Variants in RORB observed in about 807,000 individuals in gnomAD.
RORB encodes RAR related orphan receptor B.
RORB carries 6 observed loss-of-function variants against 59.1 expected under a neutral mutation model. The ratio of observed to expected loss-of-function variants is 0.10; its 90% CI spans 0.06 to 0.20. The LOEUF (loss-of-function observed/expected upper bound fraction) is 0.20, where lower values mean the gene tolerates loss of function less well. RORB is among the 10% of genes least tolerant of loss of function. The probability of loss-of-function intolerance (pLI) is 1.00; values close to 1 mark genes in which losing one functional copy is unlikely to be tolerated. For missense variants in RORB, 320 were observed against 560.5 expected, an observed-to-expected ratio of 0.57 and a Z score of 4.33; for synonymous variants, 215 against 204.5, an observed-to-expected ratio of 1.05 and a Z score of -0.44.
chr9:74,612,812 A>G (rs539423494), intron 1 of RORB, among the ~76,000 whole-genome samples: 66 of 152,298 alleles, frequency 4.3e-4, no homozygotes, highest in Admixed American at 7.2e-4. Context: ...ACTATAACAC[A>G]TCAGATATTT....
chr9:74,626,231 T>C (rs929961116), intron 1 of RORB, among the ~76,000 whole-genome samples: 11 of 152,168 alleles, frequency 7.2e-5, no homozygotes, highest in African/African-American at 2.2e-4. Context: ...TTGAATAGGA[T>C]CTGCCTGCCA....
rs533268289 is a variant in RORB, at chr9:74,655,608, C to T, written c.638-5009C>T. ...ATTTACTATTACCTTTTCTACTTTT[C>T]CAAGCAAGGACTCTTGAAAGTTCCT... On this transcript the variant is annotated intron_variant, in intron 4 of 9. Coordinates refer to ENST00000376896, the MANE Select transcript of RORB (RefSeq NM_006914.4). Among the ~76,000 whole-genome samples, 87 of 152,258 alleles carry T rather than the reference C, an allele frequency of 5.7e-4. 1 individual carries two copies. Among genetic ancestry groups the T allele is most frequent in the Admixed American group, 2.5e-3 (38 of 15,290 alleles).
At chr9:74,652,718 T>C (rs967578210) in intron 4 of RORB, among the ~76,000 whole-genome samples, 1 of 152,194 alleles carries the variant, frequency 6.6e-6, no homozygotes, top group Non-Finnish European at 1.5e-5. Flanking sequence ...GATATGTCAG[T>C]TGGCAATAGA....
At chr9:74,509,396 G>GA (rs1161166964) in intron 1 of RORB, among the ~76,000 whole-genome samples, 2 of 151,596 alleles carry the variant, frequency 1.3e-5, no homozygotes, top group African/African-American at 2.4e-5. Flanking sequence ...TCAAAATTTT[G>GA]AAAAAATTGC....
At position 74,688,360 on chromosome 9, in the gene RORB, C is replaced by T. The variant is rs1421441064; in HGVS notation, c.*2742C>T. On this transcript the variant is annotated 3_prime_UTR_variant, in exon 10 of 10. Coordinates refer to ENST00000376896, the MANE Select transcript of RORB (RefSeq NM_006914.4). Reference sequence around the variant, plus strand: ...TTCAATGGTAAAAAGCCTTAAAAAGCTGCCCTTCGAAGATCTCCTATGACT... The same window carrying T: ...TTCAATGGTAAAAAGCCTTAAAAAGTTGCCCTTCGAAGATCTCCTATGACT... The T allele has an allele frequency of 1.3e-5, 2 of 152,176 alleles. No homozygotes were observed. The highest frequency in any genetic ancestry group is 3.9e-4 in the East Asian group (2 of 5,194). The allele number at this position is 152,176 out of a possible 1,614,324, so 9.4% of individuals were successfully genotyped here. A position where few individuals can be genotyped will look rare whatever the true frequency, so the allele number is the denominator to read the frequency against.
intron 2 of RORB, among the ~76,000 whole-genome samples, chr9:74,631,242 G>A (rs1189757873): frequency 6.6e-6 from 1 of 152,230 alleles, no homozygotes; most frequent in Non-Finnish European, 1.5e-5. Context: ...GAGTGTGAGA[G>A]ACATAATAGC....
In RORB at chr9:74,629,691, A is replaced by G. The variant is rs193033214; in HGVS notation, c.8-591A>G. 2.6e-4 allele frequency among the ~76,000 whole-genome samples: 39 copies of G among 152,308 alleles called. 1 individual carries two copies. The East Asian group carries it at 5.0e-3, about 20-fold the overall frequency. On this transcript the variant is annotated intron_variant, in intron 1 of 9. Transcript: ENST00000376896. Reference sequence around the variant, plus strand: ...TTTCATTAATTAGATTATTAGCATCATTAGCATATGTTATCCTCCATCAAT... The same window carrying G: ...TTTCATTAATTAGATTATTAGCATCGTTAGCATATGTTATCCTCCATCAAT...
chr9:74,630,237 A>G, intron 1 of RORB, 45 bp from the exon 2 acceptor site: 2 of 1,604,858 alleles, frequency 1.2e-6, no homozygotes, highest in Middle Eastern at 3.3e-4. Flanking sequence ...GTGAAAGGAG[A>G]AAGAAAACAT....
chr9:74,605,874 A>T (rs1408202823), intron 1 of RORB, among the ~76,000 whole-genome samples: 1 of 152,172 alleles, frequency 6.6e-6, no homozygotes, highest in African/African-American at 2.4e-5. Flanking sequence ...GTTTTCAGAC[A>T]CAGATTGCTA....
At position 74,667,820 on chromosome 9, in the gene RORB, G is replaced by C. The variant is rs757356357; in HGVS notation, c.1030G>C (p.Asp344His). The C allele has an allele frequency of 6.2e-7, 1 of 1,613,220 alleles. No homozygotes were observed. Reference sequence around the variant, plus strand: ...TGATGACCTAGTGAATGAAGCATTTGACTTTGCAAAGAATTTGTGTTCCTT... The same window carrying C: ...TGATGACCTAGTGAATGAAGCATTTCACTTTGCAAAGAATTTGTGTTCCTT... Reference protein sequence around the residue: ...GSDDLVNEAFDFAKNLCSLQL... With the variant: ...GSDDLVNEAFHFAKNLCSLQL... Residue 344 changes from aspartate to histidine, a missense_variant, in exon 8 of 10, where the codon GAC becomes CAC. Physicochemically the swap from Asp to His is moderately conservative, Grantham distance 81. Coordinates refer to ENST00000376896, the MANE Select transcript of RORB (RefSeq NM_006914.4).
intron 3 of RORB, among the ~76,000 whole-genome samples, chr9:74,636,406 C>T (rs1701322062): frequency 1.3e-5 from 2 of 152,134 alleles, no homozygotes; most frequent in Admixed American, 1.3e-4. Flanking sequence ...TGCTGGTGAA[C>T]AGAATCATGG....
Position 74,551,790 on chromosome 9 carries a change from A to C in RORB, c.7+53807A>C, listed in dbSNP as rs144832288. 5.9e-5 allele frequency among the ~76,000 whole-genome samples: 9 copies of C among 152,274 alleles called. No homozygotes were observed. In the East Asian group the frequency reaches 1.7e-3, roughly 29 times the overall value. ...ATGCAAAAGTTTGTCCTGGGAAAAA[A>C]ATTATAGTGGTTGCCATTCGTTTGA... is the stretch of plus-strand genomic sequence containing the variant. On this transcript the variant is annotated intron_variant, in intron 1 of 9. Transcript: ENST00000376896.
At chr9:74,564,627 T>C (rs765314298) in intron 1 of RORB, among the ~76,000 whole-genome samples, 9 of 152,256 alleles carry the variant, frequency 5.9e-5, no homozygotes, top group Admixed American at 2.0e-4. Context: ...TAGCCGACTA[T>C]GGTTCTTTGA....
rs986601799 is a variant in RORB, at chr9:74,688,577, G to A, written c.*2959G>A. ...TGTTGCACTGTATCCACTCAGGGATGTTTCCTTAAAAAAAAAAAATACATC... is the reference window on the plus strand; with the variant it reads ...TGTTGCACTGTATCCACTCAGGGATATTTCCTTAAAAAAAAAAAATACATC... On this transcript the variant is annotated 3_prime_UTR_variant, in exon 10 of 10. Transcript: ENST00000376896. The A allele has an allele frequency of 5.8e-5, 8 of 138,884 alleles. No homozygotes were observed. Among genetic ancestry groups the A allele is most frequent in the African/African-American group, 2.1e-4 (8 of 38,152 alleles). 8.6% of individuals were successfully genotyped at this position (138,884 alleles called of 1,614,324 possible).
intron 1 of RORB, among the ~76,000 whole-genome samples, chr9:74,579,380 A>G (rs905165939): frequency 1.8e-4 from 28 of 151,868 alleles, no homozygotes; most frequent in Admixed American, 1.7e-3. Flanking sequence ...TTTTTTTTCT[A>G]TTTGTCTGTT....
chr9:74,500,453 T>G (rs1825790867), intron 1 of RORB, among the ~76,000 whole-genome samples: 1 of 152,138 alleles, frequency 6.6e-6, no homozygotes, highest in Non-Finnish European at 1.5e-5. Context: ...GAATCAGCTT[T>G]CGCTCGTGCA....
At chr9:74,568,118 A>G (rs1439824529) in intron 1 of RORB, among the ~76,000 whole-genome samples, 1 of 152,130 alleles carries the variant, frequency 6.6e-6, no homozygotes, top group Non-Finnish European at 1.5e-5. Flanking sequence ...TTTTTATAAC[A>G]CCTTTCACAT....
intron 4 of RORB, among the ~76,000 whole-genome samples, chr9:74,655,744 A>G (rs1455994475): frequency 6.6e-6 from 1 of 152,078 alleles, no homozygotes; most frequent in Non-Finnish European, 1.5e-5. Context: ...TAAGCAAACC[A>G]TCTCCTTGGA....
chr9:74,578,203 A>G (rs1362326082), intron 1 of RORB, among the ~76,000 whole-genome samples: 1 of 152,106 alleles, frequency 6.6e-6, no homozygotes, highest in Non-Finnish European at 1.5e-5. Flanking sequence ...GGGTCATCCA[A>G]GAGCAATCCT....
Sources: allele counts gnomAD v4.1 joint callset (sites outside exome capture counted in the v4.1 genomes callset), GRCh38; gene constraint gnomAD v4.1.1; transcripts MANE v1.5; gene names NCBI Gene and HGNC (gene_info 2026-07-23, HGNC 2026-07-21).